The following SESN3 variants were observed in gnomAD, a reference collection of about 807,000 sequenced individuals.
SESN3 encodes the protein sestrin 3.
A neutral mutation model predicts 55.3 loss-of-function variants in SESN3; 21 were observed. The ratio of observed to expected loss-of-function variants is 0.38; its 90% CI spans 0.27 to 0.55. The LOEUF (loss-of-function observed/expected upper bound fraction) is 0.55, where lower values mean the gene tolerates loss of function less well. SESN3 is among the 20% of genes least tolerant of loss of function. SESN3 has a pLI of 0.76. For synonymous variants in SESN3, 181 were observed against 203.1 expected (o/e 0.89, Z 0.93); for missense variants, 408 against 604.3 (o/e 0.68, Z 3.41).
At chr11:95,182,232 A>T in intron 6 of SESN3, 1 of 252,116 alleles carries the variant, frequency 4.0e-6, no homozygotes, top group Non-Finnish European at 8.0e-6. Flanking sequence ...TGAAGCTCTT[A>T]AAAATTAATT....
At position 95,231,163 on chromosome 11, in the gene SESN3, CGCT is replaced by C; in HGVS notation, c.-306_-304del. The C allele has an allele frequency of 2.4e-6, 1 of 417,580 alleles. No individual in the cohort carries two copies. The highest frequency in any genetic ancestry group is 4.2e-6 in the Non-Finnish European group (1 of 239,196). 25.9% of individuals were successfully genotyped at this position (417,580 alleles called of 1,614,324 possible). A position where few individuals can be genotyped will look rare whatever the true frequency, so the allele number is the denominator to read the frequency against. ...CCAGGCTAGGACGAGCAGCCGCCACCGCTGCCACCGCCACCACCGCCGCCGCAG... is the reference window on the plus strand; with the variant it reads ...CCAGGCTAGGACGAGCAGCCGCCACCGCCACCGCCACCACCGCCGCCGCAG... On this transcript the variant is annotated 5_prime_UTR_variant, in exon 1 of 10. Transcript: ENST00000536441.
chr11:95,213,567 C>T (rs1033958235), intron 1 of SESN3, among the ~76,000 whole-genome samples: 1 of 152,056 alleles, frequency 6.6e-6, no homozygotes. Flanking sequence ...AGGCAGGCTG[C>T]CAGTGGAGTC....
At chr11:95,227,695 G>A (rs1860973098) in intron 1 of SESN3, among the ~76,000 whole-genome samples, 1 of 152,102 alleles carries the variant, frequency 6.6e-6, no homozygotes, top group African/African-American at 2.4e-5. Flanking sequence ...CATTTAAGTA[G>A]CACTAACTGC....
intron 1 of SESN3, among the ~76,000 whole-genome samples, chr11:95,204,255 T>A (rs1479152935): frequency 4.6e-5 from 7 of 152,210 alleles, no homozygotes; most frequent in Middle Eastern, 3.4e-3. Context: ...TTACTTGAAA[T>A]TTTTATAATT....
chr11:95,191,867 C>A (rs1002924668), intron 2 of SESN3, among the ~76,000 whole-genome samples: 1 of 152,050 alleles, frequency 6.6e-6, no homozygotes, highest in South Asian at 2.1e-4. Context: ...AAGCTTCCAT[C>A]TGTTTTGCTA....
chr11:95,194,085 T>A (rs1416501995), intron 1 of SESN3, among the ~76,000 whole-genome samples: 2 of 152,126 alleles, frequency 1.3e-5, no homozygotes, highest in Admixed American at 1.3e-4. Flanking sequence ...CACTTGCTAT[T>A]CTATTGGTGG....
At position 95,191,419 on chromosome 11, in the gene SESN3, G is replaced by A; in HGVS notation, c.327C>T (p.His109=). 1.2e-6 allele frequency: 2 copies of A among 1,611,832 alleles called. No individual in the cohort carries two copies. Among genetic ancestry groups the A allele is most frequent in the Non-Finnish European group, 1.7e-6 (2 of 1,178,232 alleles). Residue 109 remains histidine, a synonymous_variant, in exon 3 of 10, where the codon CAC becomes CAT. Transcript: ENST00000536441. ...MDGPLPLPYR[H]YIAIMAAARH... Reference sequence around the variant, plus strand: ...AAGCACCCACCATTATTGCAATATAGTGCCTGTATGGTAGAGGAAGGGGAC... The same window carrying A: ...AAGCACCCACCATTATTGCAATATAATGCCTGTATGGTAGAGGAAGGGGAC...
At chr11:95,181,744 T>C (rs1355310193) in intron 6 of SESN3, among the ~76,000 whole-genome samples, 2 of 152,102 alleles carry the variant, frequency 1.3e-5, no homozygotes, top group Non-Finnish European at 2.9e-5. Flanking sequence ...AATCCTTACA[T>C]AGAATCTGGA....
At chr11:95,224,606 A>G (rs1357933379) in intron 1 of SESN3, 3 of 286,246 alleles carry the variant, frequency 1.0e-5, no homozygotes, top group African/African-American at 6.7e-5. Context: ...AGATTATCAA[A>G]AAGTTACATC....
intron 3 of SESN3, among the ~76,000 whole-genome samples, chr11:95,190,896 T>C (rs939354715): frequency 6.6e-6 from 1 of 152,008 alleles, no homozygotes; most frequent in African/African-American, 2.4e-5. Flanking sequence ...CTATTGCCTG[T>C]GAATAACTAG....
intron 1 of SESN3, chr11:95,224,587 T>A (rs1284243218): frequency 3.3e-6 from 1 of 303,132 alleles, no homozygotes; most frequent in African/African-American, 2.2e-5. Context: ...TACTGACAAA[T>A]TTTATTGCAG....
chr11:95,224,575 A>C, intron 1 of SESN3: 1 of 330,720 alleles, frequency 3.0e-6, no homozygotes, highest in Non-Finnish European at 5.9e-6. Flanking sequence ...AAATCTTTCA[A>C]ATACTGACAA....
At chr11:95,190,036 A>T in intron 3 of SESN3, 75 bp from the exon 4 acceptor site, 2 of 1,102,534 alleles carry the variant, frequency 1.8e-6, no homozygotes, top group Non-Finnish European at 1.3e-6. Flanking sequence ...TAAACAAATA[A>T]TTCAGATGGA....
In SESN3 at chr11:95,230,800, G is replaced by C. The variant is rs1185615189; in HGVS notation, c.61C>G (p.Arg21Gly). ...AANYLLCTNC[R>G]KVLRKDKRIR... ...ACCCGTACCTTCCGCAGCACTTTCC[G>C]GCAGTTGGTACAGAGCAGGTAGTTG... The change falls in exon 1 of 10, where the codon CGG becomes GGG. Residue 21 changes from arginine (R) to glycine (G), a missense_variant. Physicochemically the swap from Arg to Gly is moderately radical, Grantham distance 125. Around this residue, in one of 4 missense-constraint regions of SESN3, gnomAD observed 61 missense variants for 48.3 expected, o/e 1.26. Coordinates refer to ENST00000536441, the MANE Select transcript of SESN3 (RefSeq NM_144665.4). The surrounding 1 kb of genome is among the most constrained non-coding windows in gnomAD (Gnocchi z 4.6). 3.1e-6 allele frequency: 5 copies of C among 1,607,266 alleles called. No individual in the cohort carries two copies. Among genetic ancestry groups the C allele is most frequent in the Non-Finnish European group, 4.2e-6 (5 of 1,177,846 alleles).
chr11:95,232,344 C>A (rs573669570), upstream of SESN3: 51 of 152,406 alleles, frequency 3.3e-4, 1 homozygote, highest in African/African-American at 1.2e-3. Context: ...GCTAGACGCC[C>A]GCAACCTGCT....
intron 1 of SESN3, among the ~76,000 whole-genome samples, chr11:95,206,365 TACACACACACACACAC>T (rs3032056): frequency 1.5e-3 from 209 of 140,468 alleles, no homozygotes; most frequent in African/African-American, 4.3e-3. Flanking sequence ...AGTCCTAAAA[TACACACACACACACAC>T]ACACACACAC....
chr11:95,181,974 A>G (rs1860066617), intron 6 of SESN3, among the ~76,000 whole-genome samples: 1 of 152,062 alleles, frequency 6.6e-6, no homozygotes, highest in African/African-American at 2.4e-5. Flanking sequence ...ATGTGAATAT[A>G]TATGTATGCG....
At chr11:95,211,482 T>C (rs1860653824) in intron 1 of SESN3, among the ~76,000 whole-genome samples, 1 of 152,150 alleles carries the variant, frequency 6.6e-6, no homozygotes, top group Admixed American at 6.5e-5. Context: ...TGTGACATCA[T>C]CTATACAACT....
chr11:95,204,137 A>G (rs1369147105), intron 1 of SESN3: 4 of 152,200 alleles, frequency 2.6e-5, no homozygotes, highest in African/African-American at 9.7e-5. Context: ...TTCAGCAGCA[A>G]TAATAGCAAC....
Sources: gnomAD v4.1 joint callset for allele counts (sites outside exome capture counted in the v4.1 genomes callset) on GRCh38, gnomAD v4.1.1 for gene constraint, gnomAD v4.1.1 regional missense constraint, Gnocchi (gnomAD v3.1) non-coding constraint, MANE v1.5 for transcripts, NCBI Gene and HGNC (gene_info 2026-07-23, HGNC 2026-07-21) for gene names.